DMRT1: variants seen among roughly 807,000 people sequenced by gnomAD.
The protein encoded by DMRT1 is doublesex and mab-3 related transcription factor 1.
A neutral mutation model predicts 32.3 loss-of-function variants in DMRT1; 7 were observed. The observed-to-expected ratio is 0.22, with a 90% CI of 0.12 to 0.41. DMRT1 has a LOEUF of 0.41. DMRT1 is among the 10% of genes least tolerant of loss of function. DMRT1 has a pLI of 1.00. For synonymous variants in DMRT1, 278 were observed against 206.1 expected, an observed-to-expected ratio of 1.35 and a Z score of -2.99; for missense variants, 625 against 500.5, an observed-to-expected ratio of 1.25 and a Z score of -2.37.
At chr9:891,967 G>A (rs1217080957) in intron 2 of DMRT1, among the ~76,000 whole-genome samples, 1 of 152,196 alleles carries the variant, frequency 6.6e-6, no homozygotes, top group South Asian at 2.1e-4. Flanking sequence ...CCGGAGGCTG[G>A]GTGCCTTCTT....
intron 2 of DMRT1, among the ~76,000 whole-genome samples, chr9:876,223 C>G (rs1289094410): frequency 6.6e-6 from 1 of 152,120 alleles, no homozygotes; most frequent in Non-Finnish European, 1.5e-5. Context: ...GCTGCAGTTT[C>G]CAAGTACAGA....
chr9:856,661 T>C (rs1815414984), intron 2 of DMRT1, among the ~76,000 whole-genome samples: 1 of 152,222 alleles, frequency 6.6e-6, no homozygotes, highest in Non-Finnish European at 1.5e-5. Context: ...CTGGGTTACT[T>C]ATGGGTTTTG....
intron 1 of DMRT1, chr9:842,948 C>G (rs1838750952): frequency 6.6e-6 from 1 of 152,276 alleles, no homozygotes; most frequent in Admixed American, 6.5e-5. Flanking sequence ...CGCTCCCGCC[C>G]TCCGAGGTGA....
intron 4 of DMRT1, among the ~76,000 whole-genome samples, chr9:931,041 C>G (rs372162364): frequency 6.6e-6 from 1 of 152,184 alleles, no homozygotes; most frequent in Non-Finnish European, 1.5e-5. Flanking sequence ...CAGCCCCTGC[C>G]AAAATACTAG....
At chr9:949,230 G>A (rs533116402) in intron 4 of DMRT1, among the ~76,000 whole-genome samples, 3 of 152,176 alleles carry the variant, frequency 2.0e-5, no homozygotes, top group African/African-American at 7.2e-5. Flanking sequence ...AGCTGGCATG[G>A]TGACGTATAC....
chr9:841,824 T>C lies in DMRT1; in HGVS notation c.-15T>C. 6.2e-7 allele frequency: 1 copy of C among 1,604,306 alleles called. No individual in the cohort carries two copies. The highest frequency in any genetic ancestry group is 8.5e-7 in the Non-Finnish European group (1 of 1,176,014). On this transcript the variant is annotated 5_prime_UTR_variant, in exon 1 of 5. Transcript: ENST00000382276. ...GAGAGGGGGCCAGAGTGCTCGCACT[T>C]CTCCTAGGGGCACCATGCCCAACGA...
chr9:951,345 G>C (rs1410947879), intron 4 of DMRT1, among the ~76,000 whole-genome samples: 16 of 152,102 alleles, frequency 1.1e-4, no homozygotes, highest in Admixed American at 7.2e-4. Context: ...CTAAGCCTCT[G>C]GTAAGCTGGA....
chr9:957,812 C>G (rs576754792), intron 4 of DMRT1, among the ~76,000 whole-genome samples: 2 of 151,950 alleles, frequency 1.3e-5, no homozygotes, highest in African/African-American at 2.4e-5. Flanking sequence ...GAGTTCGAGA[C>G]CAGCCTGACC....
chr9:924,422 T>C (rs1368661284), intron 4 of DMRT1, among the ~76,000 whole-genome samples: 1 of 152,188 alleles, frequency 6.6e-6, no homozygotes, highest in Non-Finnish European at 1.5e-5. Context: ...AAAACAATAA[T>C]AACACATGTA....
chr9:863,144 C>G (rs1815795920), intron 2 of DMRT1, among the ~76,000 whole-genome samples: 1 of 46,314 alleles, frequency 2.2e-5, no homozygotes, highest in African/African-American at 7.3e-5. Flanking sequence ...GAGATCAGGT[C>G]TCTACAAAAA....
At chr9:902,414 T>C (rs143670969) in intron 3 of DMRT1, among the ~76,000 whole-genome samples, 2 of 151,800 alleles carry the variant, frequency 1.3e-5, no homozygotes, top group East Asian at 1.9e-4. Flanking sequence ...GGGGCTTCAG[T>C]GTGCTCCCTT....
intron 4 of DMRT1, among the ~76,000 whole-genome samples, chr9:949,187 AC>A (rs1417255059): frequency 1.3e-5 from 2 of 152,094 alleles, no homozygotes; most frequent in Admixed American, 1.3e-4. Context: ...AGCCTGGGCA[AC>A]AAAGCCTTTC....
chr9:841,876 C>G lies in DMRT1; in HGVS notation c.38C>G (p.Pro13Arg), dbSNP rs1187963736. 2 of 1,612,550 alleles carry G rather than the reference C, an allele frequency of 1.2e-6. No homozygotes were observed. Among genetic ancestry groups the G allele is most frequent in the Non-Finnish European group, 1.7e-6 (2 of 1,179,460 alleles). The change falls in exon 1 of 5, where the codon CCG (proline) becomes CGG (arginine). Residue 13 changes from proline (P) to arginine (R), a missense_variant. This residue lies in a region of DMRT1 where 201 missense variants were observed against 152.0 expected (regional missense o/e 1.32). Transcript: ENST00000382276. The part of the protein sequence containing the change: ...NDEAFSKPST[P>R]SEAPHAPGVP... ...GAGGCATTCAGCAAGCCCTCTACAC[C>G]GTCGGAAGCCCCTCACGCCCCCGGG...
intron 3 of DMRT1, among the ~76,000 whole-genome samples, chr9:898,938 G>C (rs796238822): frequency 4.0e-5 from 6 of 151,892 alleles, no homozygotes; most frequent in African/African-American, 1.5e-4. Context: ...ATCTGTCTTC[G>C]GTTTCTCTCA....
chr9:953,776 G>A (rs777813347), intron 4 of DMRT1, among the ~76,000 whole-genome samples: 1 of 152,186 alleles, frequency 6.6e-6, no homozygotes, highest in Non-Finnish European at 1.5e-5. Flanking sequence ...AAACAGATTG[G>A]CTGGCTTTGT....
At chr9:894,407 C>G (rs1239765697) in intron 3 of DMRT1, 2 of 614,718 alleles carry the variant, frequency 3.3e-6, no homozygotes, top group Non-Finnish European at 5.9e-6. Context: ...TTTACTCTGT[C>G]AATAATGCCC....
intron 2 of DMRT1, among the ~76,000 whole-genome samples, chr9:891,898 G>A (rs569293184): frequency 1.3e-5 from 2 of 152,274 alleles, no homozygotes; most frequent in East Asian, 3.9e-4. Flanking sequence ...AGTCCCTTCA[G>A]CAAATATTGA....
At chr9:920,324 A>C (rs578130117) in intron 4 of DMRT1, among the ~76,000 whole-genome samples, 67 of 152,262 alleles carry the variant, frequency 4.4e-4, no homozygotes, top group South Asian at 2.7e-3. Context: ...ACTAGCAAGG[A>C]AAAGAGGGAG....
intron 4 of DMRT1, among the ~76,000 whole-genome samples, chr9:929,029 G>A (rs1246484781): frequency 1.3e-5 from 2 of 151,774 alleles, no homozygotes; most frequent in African/African-American, 4.8e-5. Context: ...AGTATAGATG[G>A]GGTTTCGCTA....
Sources: allele counts gnomAD v4.1 joint callset (sites outside exome capture counted in the v4.1 genomes callset), GRCh38; gene constraint gnomAD v4.1.1; regional missense constraint gnomAD v4.1.1; transcripts MANE v1.5; gene names NCBI Gene and HGNC (gene_info 2026-07-23, HGNC 2026-07-21).